The following CXCL13 variants were observed in gnomAD, a reference collection of about 807,000 sequenced individuals.
The protein encoded by CXCL13 is C-X-C motif chemokine ligand 13.
CXCL13 carries 7 observed loss-of-function variants against 12.2 expected under a neutral mutation model. The observed-to-expected ratio is 0.57, with a 90% CI of 0.33 to 1.07. CXCL13 has a LOEUF of 1.07. CXCL13 is among the 50% of genes least tolerant of loss of function. The pLI, the probability that CXCL13 is intolerant of heterozygous loss-of-function variation, is 0.04. For synonymous variants in CXCL13, 47 were observed against 42.4 expected, an observed-to-expected ratio of 1.11 and a Z score of -0.42; for missense variants, 113 against 127.4, an observed-to-expected ratio of 0.89 and a Z score of 0.55.
At chr4:77,607,412 C>G (rs1208480588) in intron 1 of CXCL13, among the ~76,000 whole-genome samples, 2 of 152,130 alleles carry the variant, frequency 1.3e-5, no homozygotes, top group Admixed American at 1.3e-4. Flanking sequence ...GTCTCAAACT[C>G]CTGGGTTCAA....
At chr4:77,587,977 C>A (rs1275490371) in intron 1 of CXCL13, among the ~76,000 whole-genome samples, 1 of 152,204 alleles carries the variant, frequency 6.6e-6, no homozygotes, top group Non-Finnish European at 1.5e-5. Flanking sequence ...CCTGTCCTTG[C>A]CTGCTTCTTT....
chr4:77,524,802 T>C (rs1342219824), intron 1 of CXCL13, among the ~76,000 whole-genome samples: 1 of 152,196 alleles, frequency 6.6e-6, no homozygotes. Flanking sequence ...TCTTCTGCAT[T>C]GATAGTGCTG....
Position 77,528,457 on chromosome 4 carries a change from A to C in CXCL13, c.-43+16669A>C, listed in dbSNP as rs191016429. ...AGCACCTGTTGTTTCCTGACTTTTT[A>C]ATGATTGCCATTCTAAGTGGTGTGA... On this transcript the variant is annotated intron_variant, in intron 1 of 4. Transcript: ENST00000286758. Among the ~76,000 whole-genome samples, 11 of 152,204 alleles carry C rather than the reference A, an allele frequency of 7.2e-5. No homozygotes were observed. The East Asian group carries it at 2.1e-3, about 29-fold the overall frequency.
At chr4:77,562,759 T>TAGC (rs1725843724) in intron 1 of CXCL13, among the ~76,000 whole-genome samples, 1 of 152,156 alleles carries the variant, frequency 6.6e-6, no homozygotes. Flanking sequence ...GATCCGTGTC[T>TAGC]AGCTAATCTA....
chr4:77,534,027 C>T (rs1188678914), intron 1 of CXCL13, among the ~76,000 whole-genome samples: 2 of 152,196 alleles, frequency 1.3e-5, no homozygotes, highest in Admixed American at 6.5e-5. Flanking sequence ...GCTTGGTGCA[C>T]TGCACCCTCT....
In CXCL13 at chr4:77,548,244, T is replaced by C. The variant is rs371726394; in HGVS notation, c.-43+36456T>C. Among the ~76,000 whole-genome samples the C allele has an allele frequency of 3.2e-4, 49 of 152,322 alleles. No homozygotes were observed. The East Asian group carries it at 3.9e-3, about 12-fold the overall frequency. Reference sequence around the variant, plus strand: ...AGAGGACAAACCTCCAGGTAGTATTTATTCTGGATTCCAAACTCTCCTGCG... The same window carrying C: ...AGAGGACAAACCTCCAGGTAGTATTCATTCTGGATTCCAAACTCTCCTGCG... On this transcript the variant is annotated intron_variant, in intron 1 of 4. Coordinates refer to the CXCL13 transcript ENST00000286758.
At chr4:77,547,110 T>G (rs1401972674) in intron 1 of CXCL13, among the ~76,000 whole-genome samples, 1 of 152,216 alleles carries the variant, frequency 6.6e-6, no homozygotes, top group Non-Finnish European at 1.5e-5. Flanking sequence ...AGAGACAGTT[T>G]GTTGTGATTG....
intron 1 of CXCL13, among the ~76,000 whole-genome samples, chr4:77,584,161 G>A (rs917022261): frequency 6.6e-6 from 1 of 152,136 alleles, no homozygotes; most frequent in African/African-American, 2.4e-5. Context: ...ATGATTCCAT[G>A]GCCTAGATAG....
chr4:77,541,404 A>G (rs1725203902), intron 1 of CXCL13, among the ~76,000 whole-genome samples: 1 of 151,420 alleles, frequency 6.6e-6, no homozygotes, highest in South Asian at 2.1e-4. Flanking sequence ...TTAAATCTTT[A>G]ATCCATGTTT....
At chr4:77,604,700 T>C (rs1238458803), upstream of CXCL13, among the ~76,000 whole-genome samples, 1 of 152,108 alleles carries the variant, frequency 6.6e-6, no homozygotes, top group Admixed American at 6.5e-5. Context: ...TGCTTTTGTG[T>C]GAAGGTTGTG....
intron 1 of CXCL13, among the ~76,000 whole-genome samples, chr4:77,527,424 G>A (rs1403434155): frequency 6.6e-6 from 1 of 152,166 alleles, no homozygotes; most frequent in Admixed American, 6.6e-5. Context: ...TTGAGCTCAA[G>A]AATTCAAGAC....
rs1416885300 is a variant in CXCL13, at chr4:77,513,936, C to T, written c.-43+2148C>T. The stretch of plus-strand genomic sequence containing the variant: ...CGTCATCTAGCATTAGGTATATCTC[C>T]CAGTGCTATCGCTCCCCACTACCCC... On this transcript the variant is annotated intron_variant, in intron 1 of 4. Transcript: ENST00000286758. Among the ~76,000 whole-genome samples the T allele has an allele frequency of 2.0e-5, 3 of 152,168 alleles. No homozygotes were observed. The South Asian group carries it at 6.2e-4, about 32-fold the overall frequency.
At position 77,514,150 on chromosome 4, in the gene CXCL13, G is replaced by A. The variant is rs916172589; in HGVS notation, c.-43+2362G>A. ...GGACATGAACTCATCATTTTTTATG[G>A]CTGCATAGTATTCCATGGTGTATAT... On this transcript the variant is annotated intron_variant, in intron 1 of 4. Transcript: ENST00000286758. Among the ~76,000 whole-genome samples the A allele has an allele frequency of 1.7e-3, 260 of 151,834 alleles. 1 individual carries two copies. Among genetic ancestry groups the A allele is most frequent in the African/African-American group, 6.0e-3 (248 of 41,376 alleles).
intron 1 of CXCL13, among the ~76,000 whole-genome samples, chr4:77,553,332 A>C (rs1431249979): frequency 6.6e-6 from 1 of 152,180 alleles, no homozygotes; most frequent in Non-Finnish European, 1.5e-5. Context: ...CCCAGGACTG[A>C]AGTTCCTGAG....
At chr4:77,568,785 C>G (rs900723330) in intron 1 of CXCL13, among the ~76,000 whole-genome samples, 1 of 152,202 alleles carries the variant, frequency 6.6e-6, no homozygotes, top group Admixed American at 6.5e-5. Context: ...CATTGGCATT[C>G]TCTCTAGGAT....
chr4:77,552,932 G>A (rs79436954), intron 1 of CXCL13, among the ~76,000 whole-genome samples: 8,447 of 152,222 alleles, frequency 0.055, 746 homozygotes, highest in African/African-American at 0.19. Context: ...GATCTGCATG[G>A]GCGTGGAGCA....
At chr4:77,588,775 A>G (rs1219500084) in intron 1 of CXCL13, among the ~76,000 whole-genome samples, 1 of 151,924 alleles carries the variant, frequency 6.6e-6, no homozygotes, top group Admixed American at 6.6e-5. Flanking sequence ...ACCACTTCCA[A>G]CCCTCCCTTC....
intron 1 of CXCL13, among the ~76,000 whole-genome samples, chr4:77,585,609 C>T (rs1726437112): frequency 6.6e-6 from 1 of 152,220 alleles, no homozygotes; most frequent in Non-Finnish European, 1.5e-5. Context: ...CTACACCAGT[C>T]TCAGAGAGAC....
At chr4:77,560,389 G>C (rs557605285) in intron 1 of CXCL13, among the ~76,000 whole-genome samples, 2 of 152,174 alleles carry the variant, frequency 1.3e-5, no homozygotes, top group Non-Finnish European at 2.9e-5. Context: ...CTCAGCCAAA[G>C]GTCAACAGGT....
Sources: allele counts gnomAD v4.1 joint callset (sites outside exome capture counted in the v4.1 genomes callset), GRCh38; gene constraint gnomAD v4.1.1; transcripts MANE v1.5; gene names NCBI Gene and HGNC (gene_info 2026-07-23, HGNC 2026-07-21).